Variants in EML1 observed in about 807,000 individuals in gnomAD.
EML1 encodes echinoderm microtubule-associated protein-like 1.
EML1 carries 27 observed loss-of-function variants against 110.4 expected under a neutral mutation model. The observed-to-expected ratio is 0.24, with a 90% CI of 0.18 to 0.34. EML1 has a LOEUF of 0.34. Ranked by LOEUF, EML1 falls within the 10% of genes least tolerant of loss-of-function variation. The pLI is 1.00. For synonymous variants in EML1, 344 were observed against 385.8 expected (o/e 0.89, Z 1.27); for missense variants, 741 against 1,030.9 (o/e 0.72, Z 3.85).
chr14:99,914,869 A>G (rs933866341), intron 15 of EML1, 172 bp downstream of exon 15: 2 of 833,822 alleles, frequency 2.4e-6, no homozygotes, highest in Non-Finnish European at 3.5e-6. Context: ...TACTTTTAAC[A>G]TTGCCTCGTG....
chr14:99,818,740 A>C (rs970330225), intron 1 of EML1, among the ~76,000 whole-genome samples: 1 of 152,052 alleles, frequency 6.6e-6, no homozygotes, highest in African/African-American at 2.4e-5. Flanking sequence ...GATCACCCAG[A>C]AGGAGAGTGT....
upstream of EML1, among the ~76,000 whole-genome samples, chr14:99,770,156 G>A (rs1217484059): frequency 6.6e-6 from 1 of 152,106 alleles, no homozygotes; most frequent in Non-Finnish European, 1.5e-5. Flanking sequence ...GTCAGTTTGG[G>A]CTACTATAAA....
chr14:99,814,382 C>A (rs995663950), intron 1 of EML1, among the ~76,000 whole-genome samples: 2 of 152,084 alleles, frequency 1.3e-5, no homozygotes, highest in South Asian at 2.1e-4. Context: ...CTCAAGCAAT[C>A]CTCACAAGTA....
At chr14:99,878,942 A>G (rs1191117) in intron 4 of EML1, among the ~76,000 whole-genome samples, 90,818 of 152,018 alleles carry the variant, frequency 0.6, 27,600 homozygotes, top group East Asian at 0.87. Context: ...CTACCTGAGC[A>G]CCTTCGATTT....
chr14:99,803,385 A>G (rs560065482), intron 1 of EML1, among the ~76,000 whole-genome samples: 54 of 152,326 alleles, frequency 3.5e-4, no homozygotes, highest in African/African-American at 1.3e-3. Context: ...CTGCGTATCT[A>G]CGTGCATTAT....
chr14:99,895,441 ACT>A (rs1308610295), intron 6 of EML1, among the ~76,000 whole-genome samples: 2 of 152,180 alleles, frequency 1.3e-5, no homozygotes, highest in Non-Finnish European at 2.9e-5. Context: ...AAAACTAGGC[ACT>A]CTCTATATTT....
chr14:99,894,849 T>G, intron 6 of EML1, 91 bp downstream of exon 6: 1 of 1,419,482 alleles, frequency 7.0e-7, no homozygotes, highest in Non-Finnish European at 9.3e-7. Context: ...ACTTAAGTCC[T>G]CTTAAGCTTT....
intron 1 of EML1, among the ~76,000 whole-genome samples, chr14:99,812,665 G>A (rs934816681): frequency 1.4e-5 from 2 of 147,876 alleles, no homozygotes; most frequent in Non-Finnish European, 3.1e-5. Context: ...GGAAGCAGGT[G>A]GGGTAGGGAG....
At chr14:99,793,611 G>A (rs1252920792) in intron 1 of EML1, 68 bp downstream of exon 1, 95 of 981,172 alleles carry the variant, frequency 9.7e-5, no homozygotes, top group South Asian at 1.8e-4. Flanking sequence ...CGGCGACGGC[G>A]GGGACCAAGC....
chr14:99,901,055 G>T lies in EML1; in HGVS notation c.1008+16G>T, dbSNP rs757511802. 5 of 1,600,866 alleles carry T rather than the reference G, an allele frequency of 3.1e-6. No individual in the cohort carries two copies. In the East Asian group the frequency reaches 8.9e-5, roughly 29 times the overall value. On this transcript the variant is annotated intron_variant, in intron 9 of 21. Coordinates refer to ENST00000262233, the MANE Select transcript of EML1 (RefSeq NM_004434.3). ...CTCAAAATCTGTAAGTATGTGCCCT[G>T]TGGATATTGCTGTCTTCTTCCACAG...
In EML1 at chr14:99,923,592, T is replaced by C. The variant is rs7158648; in HGVS notation, c.1909+2715T>C. On this transcript the variant is annotated intron_variant, in intron 17 of 21. Transcript: ENST00000262233. ...TTATCAATGACACTTTTGTCAAAAATCAATCGATCAGAAATGTAAAGGTTT... is the reference window on the plus strand; with the variant it reads ...TTATCAATGACACTTTTGTCAAAAACCAATCGATCAGAAATGTAAAGGTTT... Among the ~76,000 whole-genome samples the C allele has an allele frequency of 9.8e-3, 1,328 of 135,272 alleles. 18 individuals are homozygous for C. Among genetic ancestry groups the C allele is most frequent in the African/African-American group, 0.05 (1,271 of 25,652 alleles). The allele number at this position is 135,272 out of a possible 152,430, so 88.7% of individuals were successfully genotyped here.
chr14:99,932,358 C>T (rs951677995), intron 17 of EML1, among the ~76,000 whole-genome samples: 1 of 152,134 alleles, frequency 6.6e-6, no homozygotes, highest in Non-Finnish European at 1.5e-5. Context: ...GATATGGGGG[C>T]CGGGCGCGGT....
At chr14:99,809,894 C>A (rs1425250085) in intron 1 of EML1, among the ~76,000 whole-genome samples, 1 of 152,184 alleles carries the variant, frequency 6.6e-6, no homozygotes, top group African/African-American at 2.4e-5. Context: ...GGTGTATGCC[C>A]TGGACTTCCG....
At position 99,936,439 on chromosome 14, in the gene EML1, G is replaced by T. The variant is rs1458982919; in HGVS notation, c.2095+105G>T. Reference sequence around the variant, plus strand: ...CCCACCTCCTGTATGACTTAGGCACGTGCCATCATCTCTAGGTCATGGTTT... The same window carrying T: ...CCCACCTCCTGTATGACTTAGGCACTTGCCATCATCTCTAGGTCATGGTTT... On this transcript the variant is annotated intron_variant, in intron 19 of 21. Coordinates refer to ENST00000262233, the MANE Select transcript of EML1 (RefSeq NM_004434.3). This position sits in a 1 kb window ranked among gnomAD's most constrained non-coding sequence, Gnocchi z 5.5. 2.9e-6 allele frequency: 3 copies of T among 1,021,342 alleles called. No individual in the cohort carries two copies. The highest frequency in any genetic ancestry group is 1.5e-6 in the Non-Finnish European group (1 of 675,910). 63.3% of individuals were successfully genotyped at this position (1,021,342 alleles called of 1,614,324 possible). A position where few individuals can be genotyped will look rare whatever the true frequency, so the allele number is the denominator to read the frequency against.
chr14:99,768,243 G>A (rs954826218), upstream of EML1, among the ~76,000 whole-genome samples: 4 of 152,194 alleles, frequency 2.6e-5, no homozygotes, highest in Non-Finnish European at 4.4e-5. Flanking sequence ...ACAATGCCAC[G>A]TGCTAAGTGA....
At chr14:99,878,440 G>A (rs1466792740) in intron 3 of EML1, 45 bp from the exon 4 acceptor site, 1 of 1,558,048 alleles carries the variant, frequency 6.4e-7, no homozygotes, top group South Asian at 1.2e-5. Context: ...ATAAAATAAA[G>A]TCACGATATT....
intron 17 of EML1, among the ~76,000 whole-genome samples, chr14:99,930,392 A>C (rs1414917728): frequency 6.6e-6 from 1 of 152,236 alleles, no homozygotes; most frequent in Admixed American, 6.5e-5. Flanking sequence ...CCACGAAGCC[A>C]AGCCCTCCAG....
intron 1 of EML1, among the ~76,000 whole-genome samples, chr14:99,843,818 C>T (rs930947814): frequency 2.0e-5 from 3 of 152,182 alleles, no homozygotes; most frequent in South Asian, 2.1e-4. Flanking sequence ...GTTGACCCAG[C>T]GTCCTACACA....
At chr14:99,843,063 G>C (rs1045215612) in intron 1 of EML1, among the ~76,000 whole-genome samples, 2 of 152,150 alleles carry the variant, frequency 1.3e-5, no homozygotes, top group African/African-American at 4.8e-5. Context: ...AGACCAGCCT[G>C]TGCAACATAA....
Sources: allele counts gnomAD v4.1 joint callset (sites outside exome capture counted in the v4.1 genomes callset), GRCh38; gene constraint gnomAD v4.1.1; non-coding constraint Gnocchi (gnomAD v3.1); transcripts MANE v1.5; gene names NCBI Gene and HGNC (gene_info 2026-07-23, HGNC 2026-07-21).